Variants in SFRP1 observed in about 807,000 individuals in gnomAD.
SFRP1 encodes the protein secreted frizzled related protein 1.
Under a neutral mutation model 25.9 loss-of-function variants are expected in SFRP1, and 9 were observed. That is an observed-to-expected ratio of 0.35 (90% confidence interval 0.21 to 0.61). The LOEUF is 0.61. Among genes scored for constraint, SFRP1 ranks in the 20% least tolerant of loss-of-function variants. The probability of loss-of-function intolerance (pLI) is 0.78; values close to 1 mark genes in which losing one functional copy is unlikely to be tolerated. For missense variants in SFRP1, 346 were observed against 418.2 expected (o/e 0.83, Z 1.51); for synonymous variants, 178 against 174.0 (o/e 1.02, Z -0.18).
At chr8:41,287,058 A>T in intron 2 of SFRP1, among the ~76,000 whole-genome samples, 1 of 152,178 alleles carries the variant, frequency 6.6e-6, no homozygotes, top group East Asian at 1.9e-4. Flanking sequence ...CCTACCACGG[A>T]ACAAGGCAGC....
intron 2 of SFRP1, among the ~76,000 whole-genome samples, chr8:41,278,034 C>T (rs1158769005): frequency 6.6e-6 from 1 of 152,160 alleles, no homozygotes; most frequent in Non-Finnish European, 1.5e-5. Context: ...TGATTTGTCA[C>T]CTTGGTTATT....
At chr8:41,291,614 C>T (rs552132884) in intron 2 of SFRP1, among the ~76,000 whole-genome samples, 14 of 152,264 alleles carry the variant, frequency 9.2e-5, no homozygotes, top group South Asian at 2.1e-4. Context: ...TTCTCTATCA[C>T]GGGCATCTCT....
chr8:41,303,636 G>T, intron 1 of SFRP1, 98 bp from the exon 2 acceptor site: 2 of 895,244 alleles, frequency 2.2e-6, no homozygotes, highest in Non-Finnish European at 3.7e-6. Context: ...GGCTGAAAGT[G>T]GCTAAAGGTC....
chr8:41,286,067 C>T lies in SFRP1; in HGVS notation c.622+17394G>A, dbSNP rs74400031. On this transcript the variant is annotated intron_variant, in intron 2 of 2. Transcript: ENST00000220772. ...AAAGCAGAAGCTCATAGTTGCCAGC[C>T]GGCCCAGACCCGATTCCTGGCATCA... 5.0e-3 allele frequency among the ~76,000 whole-genome samples: 757 copies of T among 151,576 alleles called. 5 individuals are homozygous for T. The highest frequency in any genetic ancestry group is 0.017 in the African/African-American group (696 of 41,314).
chr8:41,302,358 TC>T (rs1803933258), intron 2 of SFRP1, among the ~76,000 whole-genome samples: 2 of 152,280 alleles, frequency 1.3e-5, no homozygotes, highest in South Asian at 4.1e-4. Flanking sequence ...CTTGCATGTG[TC>T]CTCCCACATG....
intron 2 of SFRP1, among the ~76,000 whole-genome samples, chr8:41,296,493 A>T: frequency 6.9e-6 from 1 of 145,972 alleles, no homozygotes; most frequent in Non-Finnish European, 1.5e-5. Flanking sequence ...TTCTTTGGCC[A>T]TTTGTTCTTC....
chr8:41,286,112 C>T (rs1325876101), intron 2 of SFRP1, among the ~76,000 whole-genome samples: 8 of 152,020 alleles, frequency 5.3e-5, no homozygotes, highest in Non-Finnish European at 8.8e-5. Context: ...CAAAGAGCGT[C>T]GGGAATGGGG....
intron 2 of SFRP1, among the ~76,000 whole-genome samples, chr8:41,283,601 G>C (rs1448258054): frequency 7.6e-6 from 1 of 131,078 alleles, no homozygotes; most frequent in African/African-American, 3.1e-5. Flanking sequence ...TTTTTTTTGA[G>C]ACAGTTTCTC....
intron 2 of SFRP1, among the ~76,000 whole-genome samples, chr8:41,278,082 G>T (rs1480996463): frequency 6.6e-6 from 1 of 152,128 alleles, no homozygotes; most frequent in Admixed American, 6.5e-5. Context: ...CTTGGATGAC[G>T]TCTAAACATC....
chr8:41,299,350 A>G (rs1803883218), intron 2 of SFRP1, among the ~76,000 whole-genome samples: 1 of 151,994 alleles, frequency 6.6e-6, no homozygotes, highest in Non-Finnish European at 1.5e-5. Flanking sequence ...GTCTAATTTT[A>G]CTTTGACTGA....
At chr8:41,270,363 T>A (rs966468917) in intron 2 of SFRP1, among the ~76,000 whole-genome samples, 1 of 152,094 alleles carries the variant, frequency 6.6e-6, no homozygotes, top group Non-Finnish European at 1.5e-5. Flanking sequence ...ACATTTTGTA[T>A]GACAGAAAGC....
intron 2 of SFRP1, among the ~76,000 whole-genome samples, chr8:41,270,640 G>A (rs1803492294): frequency 6.6e-6 from 1 of 151,984 alleles, no homozygotes; most frequent in Non-Finnish European, 1.5e-5. Flanking sequence ...CATGAGTCCA[G>A]GTGGCTGCCC....
At chr8:41,286,723 G>A (rs1211693401) in intron 2 of SFRP1, among the ~76,000 whole-genome samples, 1 of 152,182 alleles carries the variant, frequency 6.6e-6, no homozygotes, top group African/African-American at 2.4e-5. Flanking sequence ...CACACACGAG[G>A]TCGGGGGCAG....
chr8:41,306,870 G>A, intron 1 of SFRP1: 2 of 1,596,450 alleles, frequency 1.3e-6, no homozygotes, highest in Admixed American at 3.3e-5. Flanking sequence ...CAGCCTTTTG[G>A]GGGCTGGGGT....
chr8:41,300,838 T>C (rs989498356), intron 2 of SFRP1, among the ~76,000 whole-genome samples: 2 of 152,208 alleles, frequency 1.3e-5, no homozygotes, highest in African/African-American at 2.4e-5. Context: ...ATGCGGTGAC[T>C]TTGCCCCATC....
chr8:41,266,009 T>C (rs1219485838), intron 2 of SFRP1, among the ~76,000 whole-genome samples: 1 of 151,972 alleles, frequency 6.6e-6, no homozygotes, highest in African/African-American at 2.4e-5. Flanking sequence ...CTACTAAAAA[T>C]ACAAAAATTA....
intron 2 of SFRP1, among the ~76,000 whole-genome samples, chr8:41,278,726 C>A (rs529056652): frequency 6.6e-6 from 1 of 152,206 alleles, no homozygotes; most frequent in Non-Finnish European, 1.5e-5. Context: ...TCAAAGACAG[C>A]CCCGGAAAAA....
chr8:41,286,712 C>A (rs575358262), intron 2 of SFRP1, among the ~76,000 whole-genome samples: 1 of 152,168 alleles, frequency 6.6e-6, no homozygotes, highest in Non-Finnish European at 1.5e-5. Flanking sequence ...AAGAGGGGGT[C>A]CACACACGAG....
chr8:41,284,434 A>C (rs2117497511), intron 2 of SFRP1, among the ~76,000 whole-genome samples: 1 of 148,428 alleles, frequency 6.7e-6, no homozygotes, highest in East Asian at 2.0e-4. Flanking sequence ...TCCCACAGCA[A>C]ACCCCACTCA....
Sources: allele counts gnomAD v4.1 joint callset (sites outside exome capture counted in the v4.1 genomes callset), GRCh38; gene constraint gnomAD v4.1.1; transcripts MANE v1.5; gene names NCBI Gene and HGNC (gene_info 2026-07-23, HGNC 2026-07-21).